The following OR2C1 variants were observed in gnomAD, a reference collection of about 807,000 sequenced individuals.
OR2C1 encodes olfactory receptor 2C1.
For synonymous variants in OR2C1, 209 were observed against 167.3 expected, an observed-to-expected ratio of 1.25 and a Z score of -1.92; for missense variants, 468 against 388.3, an observed-to-expected ratio of 1.21 and a Z score of -1.73.
the OR2C1 span, among the ~76,000 whole-genome samples, chr16:3,331,580 G>A: frequency 1.3e-5 from 2 of 150,476 alleles, no homozygotes; most frequent in African/African-American, 2.4e-5. Flanking sequence ...TGTAAGGAAG[G>A]GATCCAGTTT....
chr16:3,355,992 T>G lies in OR2C1; in HGVS notation c.52T>G (p.Ser18Ala). 1 of 1,613,996 alleles carries G rather than the reference T, an allele frequency of 6.2e-7. No homozygotes were observed. The highest frequency in any genetic ancestry group is 8.5e-7 in the Non-Finnish European group (1 of 1,179,894). ...GCAGGGCTTTGTTCTGATGGGCATA[T>G]CAGACCATCCCCAGCTGGAGATGAT... ...SLQGFVLMGI[S>A]DHPQLEMIFF... The change falls in exon 1 of 1, where the codon TCA becomes GCA. Residue 18 changes from serine to alanine, a missense_variant. Coordinates refer to ENST00000304936, the MANE Select transcript of OR2C1 (RefSeq NM_012368.3).
chr16:3,346,543 T>G, the OR2C1 span, among the ~76,000 whole-genome samples: 1 of 151,922 alleles, frequency 6.6e-6, no homozygotes, highest in African/African-American at 2.4e-5. Flanking sequence ...ATCTGAGGGT[T>G]CCGTCTTGCT....
At chr16:3,335,168 G>T in the OR2C1 span, among the ~76,000 whole-genome samples, 1 of 152,164 alleles carries the variant, frequency 6.6e-6, no homozygotes, top group Non-Finnish European at 1.5e-5. Flanking sequence ...GTGGTCTTTT[G>T]TGGGTCTGTA....
At chr16:3,333,530 T>C in the OR2C1 span, among the ~76,000 whole-genome samples, 1 of 151,878 alleles carries the variant, frequency 6.6e-6, no homozygotes, top group East Asian at 1.9e-4. Flanking sequence ...AGAGACGGGG[T>C]TTCACCGTGT....
At chr16:3,337,218 A>G in the OR2C1 span, among the ~76,000 whole-genome samples, 10 of 148,400 alleles carry the variant, frequency 6.7e-5, no homozygotes, top group Non-Finnish European at 1.3e-4. Flanking sequence ...GCAGTGGTGC[A>G]ATCTCTGCTC....
the OR2C1 span, among the ~76,000 whole-genome samples, chr16:3,345,190 T>C: frequency 0.078 from 11,907 of 151,760 alleles, 608 homozygotes; most frequent in Non-Finnish European, 0.11. Context: ...AGAAATAGGC[T>C]GGGCGCGGTG....
upstream of OR2C1, among the ~76,000 whole-genome samples, chr16:3,351,472 G>C (rs772196873): frequency 9.9e-5 from 15 of 151,802 alleles, no homozygotes; most frequent in Admixed American, 2.6e-4. Flanking sequence ...TATGGAGAAT[G>C]GTCTGAGAAA....
chr16:3,323,390 T>G, the OR2C1 span: 4 of 853,870 alleles, frequency 4.7e-6, no homozygotes, highest in East Asian at 7.2e-5. Flanking sequence ...GACACCAAAC[T>G]TCCCCAGGTG....
chr16:3,339,602 G>A, the OR2C1 span, among the ~76,000 whole-genome samples: 2 of 151,936 alleles, frequency 1.3e-5, no homozygotes, highest in Non-Finnish European at 2.9e-5. Context: ...GACTACAGAC[G>A]CCCACCACTA....
chr16:3,343,064 CATT>C, the OR2C1 span, among the ~76,000 whole-genome samples: 13 of 152,024 alleles, frequency 8.6e-5, no homozygotes, highest in Admixed American at 2.6e-4. Context: ...ATGGTATCAA[CATT>C]AATGTGAGGG....
In OR2C1 at chr16:3,357,164, T is replaced by C. The variant is rs1354413670; in HGVS notation, c.*285T>C. On this transcript the variant is annotated 3_prime_UTR_variant, in exon 1 of 1. Transcript: ENST00000304936. ...TGTGACAGACCTGTCTCACTGTCTC[T>C]GTCTCTGTTGCCCACATGTTATTTA... 8.5e-6 allele frequency: 3 copies of C among 354,594 alleles called. No individual in the cohort carries two copies. The highest frequency in any genetic ancestry group is 2.1e-5 in the African/African-American group (1 of 48,296). 22.0% of individuals were successfully genotyped at this position (354,594 alleles called of 1,614,324 possible).
chr16:3,351,635 C>G (rs2030575631), upstream of OR2C1, among the ~76,000 whole-genome samples: 1 of 152,102 alleles, frequency 6.6e-6, no homozygotes, highest in Admixed American at 6.6e-5. Context: ...AAATGCTAGG[C>G]AAATCAGGTA....
chr16:3,357,844 C>A (rs139250961), downstream of OR2C1, among the ~76,000 whole-genome samples: 1 of 151,888 alleles, frequency 6.6e-6, no homozygotes, highest in Non-Finnish European at 1.5e-5. Context: ...AGCCTTGCAT[C>A]GTGGCACATG....
chr16:3,353,978 C>CTTT (rs1307481834), upstream of OR2C1, among the ~76,000 whole-genome samples: 3 of 121,628 alleles, frequency 2.5e-5, no homozygotes, highest in Admixed American at 7.8e-5. Context: ...TTTTTCTTTT[C>CTTT]TTTTCTTTTT....
chr16:3,352,928 G>A (rs567784435), upstream of OR2C1, among the ~76,000 whole-genome samples: 42 of 151,358 alleles, frequency 2.8e-4, no homozygotes, highest in African/African-American at 9.7e-4. Context: ...ATTTTTAGTA[G>A]AGACATGTTT....
chr16:3,344,550 AC>A, the OR2C1 span, among the ~76,000 whole-genome samples: 1 of 152,032 alleles, frequency 6.6e-6, no homozygotes, highest in Non-Finnish European at 1.5e-5. Context: ...ACATGGTGAA[AC>A]CCCATCTCTA....
Position 3,356,460 on chromosome 16 carries a change from G to A in OR2C1, c.520G>A (p.Val174Met). The change falls in exon 1 of 1, where the codon GTG becomes ATG. Residue 174 changes from valine to methionine, a missense_variant. Coordinates refer to ENST00000304936, the MANE Select transcript of OR2C1 (RefSeq NM_012368.3). ...GCTCCCATTGTGTGGGCACCGGAGG[G>A]TGGAGGGATTCCTCTGCGAGGTGCC... Reference protein sequence around the residue: ...LQLPLCGHRRVEGFLCEVPAM... With the variant: ...LQLPLCGHRRMEGFLCEVPAM... 6.2e-7 allele frequency: 1 copy of A among 1,614,018 alleles called. No individual in the cohort carries two copies. Among genetic ancestry groups the A allele is most frequent in the Middle Eastern group, 1.6e-4 (1 of 6,062 alleles).
chr16:3,323,514 C>T, the OR2C1 span: 1 of 744,536 alleles, frequency 1.3e-6, no homozygotes, highest in East Asian at 2.4e-5. Flanking sequence ...CCCCAGATCA[C>T]ATAAGGTTCC....
At chr16:3,325,490 TA>T in the OR2C1 span, among the ~76,000 whole-genome samples, 3 of 84,888 alleles carry the variant, frequency 3.5e-5, no homozygotes, top group African/African-American at 9.9e-5. Flanking sequence ...TATATATATA[TA>T]TATATATATA....
Sources: allele counts gnomAD v4.1 joint callset (sites outside exome capture counted in the v4.1 genomes callset), GRCh38; gene constraint gnomAD v4.1.1; transcripts MANE v1.5; gene names NCBI Gene and HGNC (gene_info 2026-07-23, HGNC 2026-07-21).